The following IGSF11 variants were observed in gnomAD, a reference collection of about 807,000 sequenced individuals.
IGSF11 encodes the protein immunoglobulin superfamily member 11.
Under a neutral mutation model 41.0 loss-of-function variants are expected in IGSF11, and 22 were observed. The observed-to-expected ratio is 0.54, with a 90% confidence interval of 0.38 to 0.77. The LOEUF is 0.77. Among genes scored for constraint, IGSF11 ranks in the 30% least tolerant of loss-of-function variants. The probability of loss-of-function intolerance (pLI) is 0.00; values close to 1 mark genes in which losing one functional copy is unlikely to be tolerated. For synonymous variants in IGSF11, 219 were observed against 201.3 expected (o/e 1.09, Z -0.74); for missense variants, 444 against 530.8 (o/e 0.84, Z 1.61).
intron 1 of IGSF11, among the ~76,000 whole-genome samples, chr3:118,967,471 T>C (rs1384385146): frequency 6.6e-6 from 1 of 152,170 alleles, no homozygotes; most frequent in Non-Finnish European, 1.5e-5. Context: ...AAGACGCGTC[T>C]TTTAAAAATT....
intron 1 of IGSF11, among the ~76,000 whole-genome samples, chr3:118,966,790 T>C (rs1317245903): frequency 2.6e-5 from 4 of 152,246 alleles, no homozygotes; most frequent in African/African-American, 4.8e-5. Flanking sequence ...TTATTCTTTA[T>C]ATCTAGTTTA....
chr3:118,916,744 G>A (rs1342377565), intron 4 of IGSF11, among the ~76,000 whole-genome samples: 3 of 151,898 alleles, frequency 2.0e-5, no homozygotes, highest in Non-Finnish European at 4.4e-5. Context: ...ACTCAGCTCT[G>A]CACCAAGTGG....
intron 1 of IGSF11, among the ~76,000 whole-genome samples, chr3:119,130,498 C>T (rs991343473): frequency 6.6e-6 from 1 of 152,102 alleles, no homozygotes; most frequent in East Asian, 1.9e-4. Context: ...TGCAGCCTGG[C>T]GGGGGGAGGG....
At chr3:119,136,079 G>A (rs2077557258) in intron 1 of IGSF11, among the ~76,000 whole-genome samples, 1 of 152,088 alleles carries the variant, frequency 6.6e-6, no homozygotes, top group Non-Finnish European at 1.5e-5. Context: ...TGGGGGCTGG[G>A]GTAGGGATAG....
intron 1 of IGSF11, among the ~76,000 whole-genome samples, chr3:119,051,546 G>A (rs1025876265): frequency 6.6e-6 from 1 of 152,022 alleles, no homozygotes; most frequent in Non-Finnish European, 1.5e-5. Flanking sequence ...TTCAATACTC[G>A]ACTAACAGCA....
At chr3:119,111,663 C>T (rs898729627) in intron 1 of IGSF11, among the ~76,000 whole-genome samples, 17 of 151,994 alleles carry the variant, frequency 1.1e-4, no homozygotes, top group Admixed American at 2.6e-4. Context: ...GGAGGAGAGG[C>T]GCTCTGCTTT....
At chr3:118,935,415 T>C (rs1206406894) in intron 1 of IGSF11, among the ~76,000 whole-genome samples, 2 of 143,638 alleles carry the variant, frequency 1.4e-5, no homozygotes, top group African/African-American at 5.1e-5. Flanking sequence ...CACATATACA[T>C]ACGTATATAC....
chr3:118,994,185 G>A (rs1936053857), intron 1 of IGSF11, among the ~76,000 whole-genome samples: 1 of 152,106 alleles, frequency 6.6e-6, no homozygotes, highest in Non-Finnish European at 1.5e-5. Flanking sequence ...CATTAATCTA[G>A]AGTTGGGCTG....
At chr3:119,098,035 G>A (rs2076883651) in intron 1 of IGSF11, among the ~76,000 whole-genome samples, 1 of 137,838 alleles carries the variant, frequency 7.3e-6, no homozygotes, top group Non-Finnish European at 1.5e-5. Flanking sequence ...CCTGAGCTCA[G>A]GCAATCCTCA....
intron 1 of IGSF11, among the ~76,000 whole-genome samples, chr3:119,057,509 G>C (rs886821819): frequency 6.6e-6 from 1 of 152,148 alleles, no homozygotes; most frequent in Non-Finnish European, 1.5e-5. Flanking sequence ...CATGCTCATG[G>C]GTAGGAAGAA....
At position 119,078,213 on chromosome 3, in the gene IGSF11, T is replaced by C. The variant is rs1363087862; in HGVS notation, c.49+26931A>G. ...AAAAGAGACTGAATAGCCAAAGTCA[T>C]GTCAAAGAAAAAGAACAAACCCAGA... On this transcript the variant is annotated intron_variant, in intron 1 of 6. Transcript: ENST00000354673. Among the ~76,000 whole-genome samples, 4 of 152,232 alleles carry C rather than the reference T, an allele frequency of 2.6e-5. No individual in the cohort carries two copies. The East Asian group carries it at 7.7e-4, about 29-fold the overall frequency.
intron 1 of IGSF11, among the ~76,000 whole-genome samples, chr3:119,063,966 T>G (rs1369572): frequency 0.039 from 5,930 of 152,226 alleles, 183 homozygotes; most frequent in Non-Finnish European, 0.049. Flanking sequence ...TCTTGATGAG[T>G]AGGCCAAAAG....
chr3:118,922,025 CAG>C (rs1008339735), intron 4 of IGSF11, among the ~76,000 whole-genome samples: 4 of 149,996 alleles, frequency 2.7e-5, no homozygotes, highest in Admixed American at 2.0e-4. Context: ...CAATAGAAGA[CAG>C]AAAAAAAAAA....
chr3:119,119,397 G>A (rs2077302415), intron 1 of IGSF11, among the ~76,000 whole-genome samples: 1 of 152,122 alleles, frequency 6.6e-6, no homozygotes, highest in Admixed American at 6.5e-5. Flanking sequence ...CAAATCTCCT[G>A]AGACTTATTC....
chr3:119,007,868 G>A (rs968379356), intron 1 of IGSF11, among the ~76,000 whole-genome samples: 1 of 152,066 alleles, frequency 6.6e-6, no homozygotes, highest in Non-Finnish European at 1.5e-5. Context: ...TTCTAGTCAA[G>A]CTGCCTAAAT....
chr3:118,939,762 G>A (rs556453866), intron 1 of IGSF11, among the ~76,000 whole-genome samples: 4 of 152,074 alleles, frequency 2.6e-5, no homozygotes, highest in South Asian at 2.1e-4. Flanking sequence ...AAAGAAGAAA[G>A]GTTTATAATC....
intron 1 of IGSF11, among the ~76,000 whole-genome samples, chr3:119,079,565 CAT>C (rs2076555429): frequency 6.6e-6 from 1 of 152,148 alleles, no homozygotes; most frequent in African/African-American, 2.4e-5. Context: ...ATCATTCTTT[CAT>C]AGAGATACGT....
chr3:119,070,086 T>C (rs1181488801), intron 1 of IGSF11, among the ~76,000 whole-genome samples: 2 of 152,166 alleles, frequency 1.3e-5, no homozygotes, highest in African/African-American at 2.4e-5. Flanking sequence ...CAAGAATACA[T>C]AAGAAGTGAA....
In IGSF11 at chr3:118,951,284, G is replaced by A. The variant is rs1215810809; in HGVS notation, c.53-21009C>T. Among the ~76,000 whole-genome samples, 3 of 152,148 alleles carry A rather than the reference G, an allele frequency of 2.0e-5. No homozygotes were observed. The East Asian group carries it at 5.8e-4, about 29-fold the overall frequency. On this transcript the variant is annotated intron_variant, in intron 1 of 6. Transcript: ENST00000393775. ...ATACCTTATATCAGGGACTGCAACTGGTGATTCATAGACCAAAGCTGGCTG... is the reference window on the plus strand; with the variant it reads ...ATACCTTATATCAGGGACTGCAACTAGTGATTCATAGACCAAAGCTGGCTG...
Sources: allele counts gnomAD v4.1 joint callset (sites outside exome capture counted in the v4.1 genomes callset), GRCh38; gene constraint gnomAD v4.1.1; transcripts MANE v1.5; gene names NCBI Gene and HGNC (gene_info 2026-07-23, HGNC 2026-07-21).